CCPG1: variants seen among roughly 807,000 people sequenced by gnomAD.
CCPG1 encodes the protein cell cycle progression protein 1.
CCPG1 carries 46 observed loss-of-function variants against 81.3 expected under a neutral mutation model. The observed-to-expected ratio is 0.57, with a 90% CI of 0.45 to 0.72. The LOEUF is 0.72. Among genes scored for constraint, CCPG1 ranks in the 30% least tolerant of loss-of-function variants. The pLI, the probability that CCPG1 is intolerant of heterozygous loss-of-function variation, is 0.00. For missense variants in CCPG1, 902 were observed against 937.6 expected (o/e 0.96, Z 0.50); for synonymous variants, 330 against 305.2 (o/e 1.08, Z -0.85).
Position 55,360,642 on chromosome 15 carries a change from T to C in CCPG1, c.1131A>G (p.Thr377=), listed in dbSNP as rs2056173899. 1 of 1,614,086 alleles carries C rather than the reference T, an allele frequency of 6.2e-7. No individual in the cohort carries two copies. Residue 377 remains threonine (T), a synonymous_variant, in exon 8 of 9, where the codon ACA becomes ACG. Transcript: ENST00000442196. ...SFLSQRETLL[T]EAKMLKRELE... Reference sequence around the variant, plus strand: ...GTTCTCTCTTTAGCATCTTTGCTTCTGTCAACAGAGTCTCCCTTTGACTAA... The same window carrying C: ...GTTCTCTCTTTAGCATCTTTGCTTCCGTCAACAGAGTCTCCCTTTGACTAA...
chr15:55,402,197 G>C (rs540940328), intron 1 of CCPG1, among the ~76,000 whole-genome samples: 1 of 152,158 alleles, frequency 6.6e-6, no homozygotes, highest in South Asian at 2.1e-4. Flanking sequence ...TTGATAAATA[G>C]CTCCAATTTT....
intron 8 of CCPG1, 184 bp from the exon 9 acceptor site, chr15:55,356,593 A>T: frequency 8.1e-7 from 1 of 1,238,722 alleles, no homozygotes; most frequent in Non-Finnish European, 1.0e-6. Context: ...TTTTTGTCCT[A>T]TAGAAAGAAA....
At chr15:55,381,620 C>G (rs751265354) in intron 3 of CCPG1, among the ~76,000 whole-genome samples, 1 of 152,126 alleles carries the variant, frequency 6.6e-6, no homozygotes, top group Non-Finnish European at 1.5e-5. Flanking sequence ...CAGCTATAAT[C>G]TCTTCTATTT....
intron 3 of CCPG1, among the ~76,000 whole-genome samples, chr15:55,378,927 T>C (rs1165523043): frequency 1.3e-5 from 2 of 152,018 alleles, no homozygotes; most frequent in East Asian, 1.9e-4. Flanking sequence ...AAAGCTACCT[T>C]GACTAAGTAA....
At chr15:55,390,607 G>T (rs995233349) in intron 1 of CCPG1, among the ~76,000 whole-genome samples, 5 of 151,926 alleles carry the variant, frequency 3.3e-5, no homozygotes, top group Non-Finnish European at 7.4e-5. Flanking sequence ...CTGTTTTTGG[G>T]GGTTTTGTTT....
At chr15:55,365,333 G>C (rs1383357305) in intron 6 of CCPG1, 24 bp from the exon 7 acceptor site, 2 of 1,371,360 alleles carry the variant, frequency 1.5e-6, no homozygotes, top group Admixed American at 2.1e-5. Context: ...TTTTATTAAA[G>C]GTATGTAACA....
chr15:55,389,504 C>A (rs2056872452), intron 1 of CCPG1, 71 bp from the exon 2 acceptor site: 1 of 1,061,174 alleles, frequency 9.4e-7, no homozygotes, highest in African/African-American at 1.6e-5. Context: ...CTATATGTGA[C>A]ACTAAGTTTG....
chr15:55,358,323 T>G (rs1025106064), intron 8 of CCPG1: 117 of 955,950 alleles, frequency 1.2e-4, no homozygotes, highest in Admixed American at 2.5e-4. Context: ...CAGCATCCAC[T>G]GGGGGTCTTG....
chr15:55,388,346 A>C (rs893467667), intron 2 of CCPG1, among the ~76,000 whole-genome samples: 1 of 152,232 alleles, frequency 6.6e-6, no homozygotes, highest in African/African-American at 2.4e-5. Context: ...CAAAATGTAC[A>C]AGTTATGTAT....
In CCPG1 at chr15:55,360,131, C is replaced by T. The variant is rs1241523512; in HGVS notation, c.1642G>A (p.Gly548Ser). The T allele has an allele frequency of 6.8e-6, 11 of 1,613,028 alleles. No homozygotes were observed. The highest frequency in any genetic ancestry group is 6.8e-6 in the Non-Finnish European group (8 of 1,179,742). The change falls in exon 8 of 9, where the codon GGT becomes AGT. Residue 548 changes from glycine to serine, a missense_variant. Gly to Ser is a moderately conservative substitution (Grantham distance 56). Coordinates refer to ENST00000442196, the MANE Select transcript of CCPG1 (RefSeq NM_001204450.2). ...TTTGTAGCACCAAATCTTTTATTAC[C>T]CTTTTCATCAAAGATATTCTTGGTG... ...DTTKNIFDEK[G>S]NKRFGATKEA...
chr15:55,385,670 G>C lies in CCPG1; in HGVS notation c.105C>G (p.Ser35Arg). 6.2e-7 allele frequency: 1 copy of C among 1,612,086 alleles called. No individual in the cohort carries two copies. The highest frequency in any genetic ancestry group is 2.2e-5 in the East Asian group (1 of 44,856). The change falls in exon 3 of 9, where the codon AGC becomes AGG. Residue 35 changes from serine (S) to arginine (R), a missense_variant. Physicochemically the swap from Ser to Arg is moderately radical, Grantham distance 110. Transcript: ENST00000442196. ...EMLNSVTPTD[S>R]CEPAPECSSL... ...ATGAACATTCTGGGGCGGGCTCACA[G>C]CTGTCAGTGGGGGTCACAGAATTCA...
intron 6 of CCPG1, among the ~76,000 whole-genome samples, chr15:55,368,501 C>A (rs768767026): frequency 1.5e-4 from 23 of 152,288 alleles, no homozygotes; most frequent in Non-Finnish European, 2.6e-4. Flanking sequence ...ATATAATAGT[C>A]TGCCGAAGAG....
At chr15:55,386,923 A>G (rs2056811747) in intron 2 of CCPG1, among the ~76,000 whole-genome samples, 2 of 151,770 alleles carry the variant, frequency 1.3e-5, no homozygotes, top group South Asian at 4.2e-4. Flanking sequence ...AGAAAAAAGT[A>G]GCGTTTAAGT....
chr15:55,399,417 C>CAA (rs56191750), intron 1 of CCPG1, among the ~76,000 whole-genome samples: 1,666 of 63,060 alleles, frequency 0.026, 27 homozygotes, highest in South Asian at 0.031. Flanking sequence ...ACTAAAAATA[C>CAA]AAAAAAAAAA....
rs1375221907 is a variant in CCPG1, at chr15:55,360,897, C to T, written c.876G>A (p.Glu292=). Residue 292 remains glutamate, a synonymous_variant, in exon 8 of 9, where the codon GAG becomes GAA. Coordinates refer to ENST00000442196, the MANE Select transcript of CCPG1 (RefSeq NM_001204450.2). ...LARCWTLTEA[E]KMSFETQKTN... is the part of the protein sequence containing the mutation. ...TTTTCTGAGTTTCAAAGGACATCTTCTCTGCTTCAGTAAGTGTCCAACACC... is the reference window on the plus strand; with the variant it reads ...TTTTCTGAGTTTCAAAGGACATCTTTTCTGCTTCAGTAAGTGTCCAACACC... 6.3e-7 allele frequency: 1 copy of T among 1,594,130 alleles called. No individual in the cohort carries two copies. The highest frequency in any genetic ancestry group is 8.5e-7 in the Non-Finnish European group (1 of 1,173,762).
At chr15:55,382,805 G>A (rs117079604) in intron 3 of CCPG1, among the ~76,000 whole-genome samples, 1,928 of 152,068 alleles carry the variant, frequency 0.013, 25 homozygotes, top group Non-Finnish European at 0.016. Context: ...CACCACACCC[G>A]ACCAGGATCC....
intron 3 of CCPG1, among the ~76,000 whole-genome samples, chr15:55,380,866 G>C (rs997205433): frequency 7.6e-6 from 1 of 131,834 alleles, no homozygotes; most frequent in Non-Finnish European, 1.6e-5. Flanking sequence ...GGCCGGGCGC[G>C]GCGGCTCACG....
chr15:55,356,089 G>A lies in CCPG1; in HGVS notation c.*131C>T, dbSNP rs912183981. 7.0e-6 allele frequency: 5 copies of A among 710,924 alleles called. No individual in the cohort carries two copies. Among genetic ancestry groups the A allele is most frequent in the Admixed American group, 3.5e-5 (1 of 28,754 alleles). 44.0% of individuals were successfully genotyped at this position (710,924 alleles called of 1,614,324 possible). ...TAATGCTTCTGAGGAATAATATAAA[G>A]TTATCAAACTGATACTTAGAAACAA... On this transcript the variant is annotated 3_prime_UTR_variant, in exon 9 of 9. Coordinates refer to ENST00000442196, the MANE Select transcript of CCPG1 (RefSeq NM_001204450.2).
At chr15:55,363,047 A>G (rs2038755386) in intron 7 of CCPG1, among the ~76,000 whole-genome samples, 1 of 151,506 alleles carries the variant, frequency 6.6e-6, no homozygotes, top group Non-Finnish European at 1.5e-5. Flanking sequence ...TCTCTTAAAA[A>G]ACAAAAACAA....
Sources: gnomAD v4.1 joint callset for allele counts (sites outside exome capture counted in the v4.1 genomes callset) on GRCh38, gnomAD v4.1.1 for gene constraint, MANE v1.5 for transcripts, NCBI Gene and HGNC (gene_info 2026-07-23, HGNC 2026-07-21) for gene names.